The following WDR72 variants were observed in gnomAD, a reference collection of about 807,000 sequenced individuals.
WDR72 encodes WD repeat domain 72.
WDR72 carries 120 observed loss-of-function variants against 124.2 expected under a neutral mutation model. That is an observed-to-expected ratio of 0.97 (90% CI 0.83 to 1.12). WDR72 has a LOEUF of 1.12. Among genes scored for constraint, WDR72 ranks in the 50% most tolerant of loss-of-function variants. The pLI, the probability that WDR72 is intolerant of heterozygous loss-of-function variation, is 0.00. For synonymous variants in WDR72, 452 were observed against 441.7 expected, an observed-to-expected ratio of 1.02 and a Z score of -0.29; for missense variants, 1,387 against 1,278.8, an observed-to-expected ratio of 1.08 and a Z score of -1.29.
intron 11 of WDR72, among the ~76,000 whole-genome samples, chr15:53,703,049 G>C (rs1048256178): frequency 2.0e-5 from 3 of 151,868 alleles, no homozygotes; most frequent in East Asian, 1.9e-4. Flanking sequence ...TAGTAGCTGG[G>C]TCCACAGGTG....
chr15:53,739,516 TAGATAGTA>T (rs1208716962), intron 1 of WDR72, among the ~76,000 whole-genome samples: 2 of 152,196 alleles, frequency 1.3e-5, no homozygotes, highest in African/African-American at 4.8e-5. Flanking sequence ...AAGAGTTAAA[TAGATAGTA>T]AGTTTCATTG....
intron 18 of WDR72, among the ~76,000 whole-genome samples, chr15:53,565,671 C>T (rs1399855543): frequency 6.6e-6 from 1 of 151,610 alleles, no homozygotes; most frequent in Non-Finnish European, 1.5e-5. Flanking sequence ...TGCTGATGGA[C>T]AATTAAGTTA....
At position 53,682,973 on chromosome 15, in the gene WDR72, T is replaced by C. The variant is rs2016450894; in HGVS notation, c.1765+16777A>G. ...ATGACTGTGGAAGCCTCAGGAAACTTACAGTTATGGCAAAAGGTGAAGGGG... is the reference window on the plus strand; with the variant it reads ...ATGACTGTGGAAGCCTCAGGAAACTCACAGTTATGGCAAAAGGTGAAGGGG... On this transcript the variant is annotated intron_variant, in intron 13 of 19. Coordinates refer to ENST00000360509, the MANE Select transcript of WDR72 (RefSeq NM_182758.4). 2.0e-5 allele frequency among the ~76,000 whole-genome samples: 3 copies of C among 152,268 alleles called. No homozygotes were observed. The South Asian group carries it at 6.2e-4, about 32-fold the overall frequency.
chr15:53,638,048 T>G (rs189347530), intron 14 of WDR72, among the ~76,000 whole-genome samples: 28 of 152,246 alleles, frequency 1.8e-4, no homozygotes, highest in African/African-American at 6.5e-4. Context: ...ACCAGGAAAA[T>G]GAATGCATGA....
At chr15:53,733,530 A>G (rs2018264758) in intron 1 of WDR72, among the ~76,000 whole-genome samples, 1 of 152,168 alleles carries the variant, frequency 6.6e-6, no homozygotes, top group Non-Finnish European at 1.5e-5. Context: ...ATTTGAAGCC[A>G]GCTTTGCAGA....
chr15:53,683,690 A>G (rs1394392815), intron 13 of WDR72, among the ~76,000 whole-genome samples: 1 of 152,146 alleles, frequency 6.6e-6, no homozygotes, highest in Non-Finnish European at 1.5e-5. Context: ...ATATTAATTT[A>G]TAATTACTTG....
At chr15:53,691,667 A>C (rs915618246) in intron 13 of WDR72, among the ~76,000 whole-genome samples, 38 of 123,898 alleles carry the variant, frequency 3.1e-4, no homozygotes, top group Non-Finnish European at 4.2e-4. Flanking sequence ...AGATAGATAG[A>C]TAGATAGATG....
intron 12 of WDR72, 112 bp downstream of exon 12, chr15:53,702,022 C>A: frequency 1.4e-6 from 1 of 712,904 alleles, no homozygotes; most frequent in Admixed American, 2.9e-5. Flanking sequence ...GTACATAGAA[C>A]TCATGTTTTT....
intron 14 of WDR72, among the ~76,000 whole-genome samples, chr15:53,646,572 G>A (rs546516): frequency 6.6e-6 from 1 of 151,952 alleles, no homozygotes; most frequent in Admixed American, 6.6e-5. Flanking sequence ...TTGTATTGAG[G>A]ACTGGTTAAC....
intron 8 of WDR72, 36 bp from the exon 9 acceptor site, chr15:53,710,989 T>C (rs1407101285): frequency 1.2e-5 from 19 of 1,569,916 alleles, no homozygotes; most frequent in Non-Finnish European, 1.6e-5. Context: ...GTTTAGAACT[T>C]TGAGGTTCTT....
chr15:53,677,287 G>C (rs1297565736), intron 13 of WDR72, among the ~76,000 whole-genome samples: 1 of 152,098 alleles, frequency 6.6e-6, no homozygotes, highest in Non-Finnish European at 1.5e-5. Context: ...AAGTGTGATG[G>C]CTAGTTAGAC....
chr15:53,623,997 T>C (rs554272468), intron 14 of WDR72, among the ~76,000 whole-genome samples: 74 of 152,340 alleles, frequency 4.9e-4, no homozygotes, highest in African/African-American at 1.7e-3. Flanking sequence ...TTGAGAAGTG[T>C]ATGCTCACGA....
chr15:53,666,610 C>T (rs188563722), intron 13 of WDR72, among the ~76,000 whole-genome samples: 3 of 152,094 alleles, frequency 2.0e-5, no homozygotes, highest in Admixed American at 2.0e-4. Flanking sequence ...ATAAAGACAC[C>T]AAGGAATACT....
chr15:53,562,375 G>A (rs1233081115), intron 18 of WDR72, among the ~76,000 whole-genome samples: 1 of 151,646 alleles, frequency 6.6e-6, no homozygotes, highest in Non-Finnish European at 1.5e-5. Flanking sequence ...ATGAAAAGTG[G>A]ACCTCAAAGT....
chr15:53,604,507 T>A (rs1396396593), intron 17 of WDR72, among the ~76,000 whole-genome samples: 4 of 152,300 alleles, frequency 2.6e-5, no homozygotes, highest in South Asian at 2.1e-4. Context: ...AAAGAGCTTC[T>A]GCACAGCGAA....
intron 3 of WDR72, 114 bp downstream of exon 3, chr15:53,722,688 G>A (rs762242342): frequency 2.3e-6 from 2 of 873,814 alleles, no homozygotes; most frequent in Non-Finnish European, 3.9e-6. Flanking sequence ...TCCTATATGT[G>A]AGAGGCACAT....
chr15:53,571,772 T>A (rs952556233), intron 18 of WDR72, among the ~76,000 whole-genome samples: 3 of 5,596 alleles, frequency 5.4e-4, no homozygotes, highest in African/African-American at 1.5e-3. Flanking sequence ...TATTTTTCAT[T>A]TTTTTTTTTT....
chr15:53,618,791 T>C (rs913953783), intron 14 of WDR72, among the ~76,000 whole-genome samples: 8 of 152,040 alleles, frequency 5.3e-5, no homozygotes, highest in African/African-American at 1.9e-4. Context: ...TCCCCATCTT[T>C]CATTAACTTT....
In WDR72 at chr15:53,613,700, T is replaced by A. The variant is rs1297929946; in HGVS notation, c.2838A>T (p.Leu946Phe). Reference sequence around the variant, plus strand: ...AGCAACTGTAGAAGCTTGACATATTTAAAATGTCATTCCCAGCACCTCTCA... The same window carrying A: ...AGCAACTGTAGAAGCTTGACATATTAAAAATGTCATTCCCAGCACCTCTCA... ...NKMRGAGNDILNMSSFYSCLR... is the reference protein window; with the variant it reads ...NKMRGAGNDIFNMSSFYSCLR... The change falls in exon 16 of 20, where the codon TTA becomes TTT. Residue 946 changes from leucine to phenylalanine, a missense_variant. Transcript: ENST00000360509. 1 of 1,611,094 alleles carries A rather than the reference T, an allele frequency of 6.2e-7. No individual in the cohort carries two copies. The highest frequency in any genetic ancestry group is 2.2e-5 in the East Asian group (1 of 44,718).
Sources: allele counts gnomAD v4.1 joint callset (sites outside exome capture counted in the v4.1 genomes callset), GRCh38; gene constraint gnomAD v4.1.1; transcripts MANE v1.5; gene names NCBI Gene and HGNC (gene_info 2026-07-23, HGNC 2026-07-21).